The following YME1L1 variants were observed in gnomAD, a reference collection of about 807,000 sequenced individuals.
YME1L1 encodes YME1 like 1 ATPase, also known as ATP-dependent zinc metalloprotease YME1L1.
In YME1L1, 39 loss-of-function variants were observed where a neutral mutation model predicts 90.4. That is an observed-to-expected ratio of 0.43 (90% CI 0.33 to 0.56). The LOEUF (loss-of-function observed/expected upper bound fraction) is 0.56, where lower values mean the gene tolerates loss of function less well. YME1L1 is among the 20% of genes least tolerant of loss of function. The pLI, the probability that YME1L1 is intolerant of heterozygous loss-of-function variation, is 0.03. For synonymous variants in YME1L1, 284 were observed against 287.3 expected (o/e 0.99, Z 0.12); for missense variants, 617 against 868.4 (o/e 0.71, Z 3.64).
rs753031792 is a variant in YME1L1 at position 27,121,398 on chromosome 10, T to C, written c.1286A>G (p.Glu429Gly). The C allele has an allele frequency of 2.5e-6, 4 of 1,605,988 alleles. No homozygotes were observed. Among genetic ancestry groups the C allele is most frequent in the African/African-American group, 1.3e-5 (1 of 74,758 alleles). ...VIIIGATNFP[E>G]ALDNALIRPG... Reference sequence around the variant, plus strand: ...TTTTAATACTTACTTATCTAATGCCTCTGGGAAGTTTGTGGCTCCTATTAT... The same window carrying C: ...TTTTAATACTTACTTATCTAATGCCCCTGGGAAGTTTGTGGCTCCTATTAT... Residue 429 changes from glutamate (E) to glycine (G), a missense_variant, in exon 12 of 19, where the codon GAG becomes GGG. Physicochemically the swap from Glu to Gly is moderately conservative, Grantham distance 98. Coordinates refer to ENST00000376016, the MANE Select transcript of YME1L1 (RefSeq NM_014263.4).
At chr10:27,118,928 T>C (rs2056839536) in intron 14 of YME1L1, among the ~76,000 whole-genome samples, 1 of 152,180 alleles carries the variant, frequency 6.6e-6, no homozygotes, top group East Asian at 1.9e-4. Context: ...AGATGCCAAA[T>C]TGTGGTGTTG....
At chr10:27,142,703 T>C (rs2057101571) in intron 3 of YME1L1, among the ~76,000 whole-genome samples, 2 of 152,146 alleles carry the variant, frequency 1.3e-5, no homozygotes, top group African/African-American at 4.8e-5. Flanking sequence ...ACTTGTTGGT[T>C]ACATTATTTT....
In YME1L1 at chr10:27,116,334, T is replaced by C. The variant is rs763209902; in HGVS notation, c.1731A>G (p.Leu577=). 7 of 1,614,064 alleles carry C rather than the reference T, an allele frequency of 4.3e-6. No individual in the cohort carries two copies. The Admixed American group carries it at 1.0e-4, about 23-fold the overall frequency. ...RGPTLGHVSL[L]PENDRWNETR... ...TTTCATTCCATCTGTCATTCTCAGG[T>C]AACAGGGACACCTAGACAATTAAAA... The change falls in exon 16 of 19, where the codon TTA becomes TTG. Residue 577 remains leucine, a synonymous_variant. Coordinates refer to ENST00000376016, the MANE Select transcript of YME1L1 (RefSeq NM_014263.4).
intron 1 of YME1L1, among the ~76,000 whole-genome samples, chr10:27,153,689 T>C (rs1183753375): frequency 6.6e-6 from 1 of 152,204 alleles, no homozygotes; most frequent in Non-Finnish European, 1.5e-5. Flanking sequence ...AGAAAAAAAC[T>C]TGCATGGCTG....
At position 27,145,519 on chromosome 10, in the gene YME1L1, A is replaced by G. The variant is rs374902793; in HGVS notation, c.240T>C (p.Asn80=). The change falls in exon 3 of 19, where the codon AAT becomes AAC. Residue 80 remains asparagine (N), a synonymous_variant. Transcript: ENST00000376016. ...KIGQIDQLVE[N]LLPGFCKGKN... is the part of the protein sequence containing the mutation. Reference sequence around the variant, plus strand: ...TGCCTTTACAAAATCCAGGAAGTAGATTTTCTACCAGCTGATCAATCTGTC... The same window carrying G: ...TGCCTTTACAAAATCCAGGAAGTAGGTTTTCTACCAGCTGATCAATCTGTC... The G allele has an allele frequency of 6.8e-6, 11 of 1,613,550 alleles. No homozygotes were observed. In the African/African-American group the frequency reaches 1.2e-4, roughly 18 times the overall value.
At chr10:27,129,456 T>C (rs916071077) in intron 8 of YME1L1, 2 of 152,196 alleles carry the variant, frequency 1.3e-5, no homozygotes. Context: ...CATGGTTATG[T>C]ATAAACAGAG....
intron 3 of YME1L1, among the ~76,000 whole-genome samples, chr10:27,143,238 A>G (rs568601743): frequency 1.1e-3 from 162 of 151,408 alleles, no homozygotes; most frequent in Admixed American, 1.7e-3. Context: ...GTGTGGTGGC[A>G]CATGCCTGTA....
chr10:27,148,093 A>AT (rs1381615816), intron 2 of YME1L1, among the ~76,000 whole-genome samples: 3 of 151,650 alleles, frequency 2.0e-5, no homozygotes, highest in Admixed American at 1.3e-4. Context: ...CTGGTCCTTT[A>AT]TTTTTTTAAG....
At chr10:27,116,852 A>C (rs1236735256) in intron 15 of YME1L1, among the ~76,000 whole-genome samples, 1 of 151,890 alleles carries the variant, frequency 6.6e-6, no homozygotes, top group Admixed American at 6.6e-5. Context: ...ACATCGCGAG[A>C]CTCCATCAAT....
chr10:27,143,292 C>A (rs537494616), intron 3 of YME1L1, among the ~76,000 whole-genome samples: 2 of 149,778 alleles, frequency 1.3e-5, no homozygotes, highest in East Asian at 4.1e-4. Context: ...TCACTTGAAC[C>A]CGGGAGGGAG....
chr10:27,117,868 T>G, intron 14 of YME1L1, 141 bp from the exon 15 acceptor site: 1 of 790,110 alleles, frequency 1.3e-6, no homozygotes, highest in Non-Finnish European at 2.0e-6. Flanking sequence ...AAATAAGGAT[T>G]AAAACTATGG....
chr10:27,118,511 C>T (rs2056835926), intron 14 of YME1L1, among the ~76,000 whole-genome samples: 1 of 151,760 alleles, frequency 6.6e-6, no homozygotes, highest in Admixed American at 6.6e-5. Context: ...TGAACTCCAA[C>T]GATTCTGGGC....
rs1343467426 is a variant in YME1L1 at position 27,154,187 on chromosome 10, C to T, written c.24G>A (p.Val8=). 6.3e-7 allele frequency: 1 copy of T among 1,591,398 alleles called. No homozygotes were observed. The change falls in exon 1 of 19, where the codon GTG becomes GTA. Residue 8 remains valine (V), a synonymous_variant. Coordinates refer to ENST00000376016, the MANE Select transcript of YME1L1 (RefSeq NM_014263.4). Reference sequence around the variant, plus strand: ...TGAATGCCTGGCTTACCTGGGGTTGCACCGTGCTCGACAAGGAAAACATCT... The same window carrying T: ...TGAATGCCTGGCTTACCTGGGGTTGTACCGTGCTCGACAAGGAAAACATCT... MFSLSST[V]QPQVTVPLSH...
At chr10:27,129,758 TA>T (rs2056958856) in intron 8 of YME1L1, among the ~76,000 whole-genome samples, 1 of 150,876 alleles carries the variant, frequency 6.6e-6, no homozygotes, top group Non-Finnish European at 1.5e-5. Flanking sequence ...CATTTTGACT[TA>T]ATATAAATTC....
At chr10:27,142,528 CA>C (rs1408865667) in intron 3 of YME1L1, 43 bp from the exon 4 acceptor site, 3 of 939,878 alleles carry the variant, frequency 3.2e-6, no homozygotes, top group Admixed American at 2.9e-5. Context: ...ATTTCCAAAC[CA>C]AAAAACAAAA....
chr10:27,125,929 C>T lies in YME1L1; in HGVS notation c.949+767G>A, dbSNP rs59510690. 2.5e-3 allele frequency among the ~76,000 whole-genome samples: 383 copies of T among 152,156 alleles called. 2 individuals carry two copies. The highest frequency in any genetic ancestry group is 8.7e-3 in the African/African-American group (361 of 41,536). ...TGATCTCAAGTAATCCACCCGCCTC[C>T]ACCTCCTAAACTGCTGGGATTAAAG... is the stretch of plus-strand genomic sequence containing the variant. On this transcript the variant is annotated intron_variant, in intron 9 of 18. Coordinates refer to ENST00000376016, the MANE Select transcript of YME1L1 (RefSeq NM_014263.4).
chr10:27,136,401 CCATT>C lies in YME1L1; in HGVS notation c.431-20_431-17del, dbSNP rs767855062. ...TGTATGAAAACTAAATAAAACAATA[CCATT>C]CACTGTCACTATAAATTGTTACAGG... On this transcript the variant is annotated splice_polypyrimidine_tract_variant and intron_variant, in intron 4 of 18. Coordinates refer to ENST00000376016, the MANE Select transcript of YME1L1 (RefSeq NM_014263.4). The C allele has an allele frequency of 1.9e-6, 3 of 1,581,998 alleles. No homozygotes were observed. The African/African-American group carries it at 4.1e-5, about 21-fold the overall frequency.
chr10:27,123,809 C>A (rs555197307), intron 9 of YME1L1, 110 bp from the exon 10 acceptor site: 5 of 1,110,890 alleles, frequency 4.5e-6, no homozygotes, highest in Non-Finnish European at 6.2e-6. Context: ...GCTGAGGTCA[C>A]ACCAATAACC....
At chr10:27,143,940 G>C (rs949885779) in intron 3 of YME1L1, among the ~76,000 whole-genome samples, 1 of 152,102 alleles carries the variant, frequency 6.6e-6, no homozygotes, top group African/African-American at 2.4e-5. Context: ...CTCTTGACTA[G>C]TGTGTCTCAT....
Sources: allele counts gnomAD v4.1 joint callset (sites outside exome capture counted in the v4.1 genomes callset), GRCh38; gene constraint gnomAD v4.1.1; transcripts MANE v1.5; gene names NCBI Gene and HGNC (gene_info 2026-07-23, HGNC 2026-07-21).